The following CEP63 variants were observed in gnomAD, a reference collection of about 807,000 sequenced individuals.
CEP63 encodes centrosomal protein of 63 kDa.
Under a neutral mutation model 89.1 loss-of-function variants are expected in CEP63, and 84 were observed. That is an observed-to-expected ratio of 0.94 (90% CI 0.79 to 1.13). CEP63 has a LOEUF of 1.13. Ranked by LOEUF, CEP63 falls within the 50% of genes most tolerant of loss-of-function variation. CEP63 has a pLI of 0.00. For synonymous variants in CEP63, 267 were observed against 272.5 expected, an observed-to-expected ratio of 0.98 and a Z score of 0.20; for missense variants, 838 against 813.3, an observed-to-expected ratio of 1.03 and a Z score of -0.37.
the CEP63 span, among the ~76,000 whole-genome samples, chr3:134,637,710 A>G: frequency 1.3e-5 from 2 of 152,220 alleles, no homozygotes; most frequent in African/African-American, 4.8e-5. Flanking sequence ...GCCACTTCCA[A>G]TAAGTCACAG....
chr3:134,669,308 G>A, the CEP63 span, among the ~76,000 whole-genome samples: 221 of 152,246 alleles, frequency 1.5e-3, no homozygotes, highest in Non-Finnish European at 1.7e-3. Context: ...GATTACAGGC[G>A]TGAGCCACCA....
chr3:134,644,431 G>C, the CEP63 span, among the ~76,000 whole-genome samples: 1 of 152,182 alleles, frequency 6.6e-6, no homozygotes, highest in Admixed American at 6.5e-5. Flanking sequence ...TACAGCTGCT[G>C]CTGTGGCCTG....
At chr3:134,779,215 A>T in the CEP63 span, among the ~76,000 whole-genome samples, 1 of 152,218 alleles carries the variant, frequency 6.6e-6, no homozygotes, top group Non-Finnish European at 1.5e-5. Flanking sequence ...ACACAATTCA[A>T]ATATTAATAA....
In CEP63 at chr3:134,487,365, A is replaced by G. The variant is rs183396232; in HGVS notation, c.-26+1163A>G. On this transcript the variant is annotated intron_variant, in intron 1 of 14. Transcript: ENST00000675561. ...AAACTAAATTAGAGTAGAGATTTAT[A>G]AACAGGCACACTGCCTTTTAAAATG... Among the ~76,000 whole-genome samples the G allele has an allele frequency of 2.2e-3, 330 of 152,368 alleles. 4 individuals are homozygous for G. The highest frequency in any genetic ancestry group is 6.2e-4 in the Non-Finnish European group (42 of 68,034).
intron 11 of CEP63, among the ~76,000 whole-genome samples, chr3:134,573,302 G>A (rs1029793100): frequency 6.6e-5 from 10 of 152,142 alleles, no homozygotes; most frequent in African/African-American, 9.7e-5. Flanking sequence ...TGCTTTTGGG[G>A]ACTTAGTCAT....
the CEP63 span, chr3:134,604,149 G>A: frequency 6.2e-7 from 1 of 1,607,980 alleles, no homozygotes; most frequent in African/African-American, 1.3e-5. Flanking sequence ...TGGTGTGGAT[G>A]ATAGGGTCAG....
the CEP63 span, among the ~76,000 whole-genome samples, chr3:134,700,397 G>A: frequency 6.6e-6 from 1 of 152,088 alleles, no homozygotes; most frequent in Admixed American, 6.6e-5. Flanking sequence ...TAATACATGG[G>A]CATAGTTTAA....
chr3:134,603,998 G>C, the CEP63 span: 1 of 1,613,874 alleles, frequency 6.2e-7, no homozygotes, highest in Non-Finnish European at 8.5e-7. Flanking sequence ...TGGACTTTCA[G>C]CTCGGTCTGC....
the CEP63 span, chr3:134,641,277 C>T: frequency 6.6e-5 from 10 of 152,122 alleles, no homozygotes; most frequent in Non-Finnish European, 1.3e-4. Context: ...ATCCCTGGAA[C>T]CTGTGAATGT....
chr3:134,743,997 A>C, the CEP63 span, among the ~76,000 whole-genome samples: 2 of 152,162 alleles, frequency 1.3e-5, no homozygotes, highest in Non-Finnish European at 2.9e-5. Flanking sequence ...CTGTTGGACC[A>C]TGCTGAACTA....
Position 134,564,751 on chromosome 3 carries a change from C to CCCAAGCTTCAGCTTAA in CEP63, c.*3217_*3232dup. The CCCAAGCTTCAGCTTAA allele has an allele frequency of 1.0e-6, 1 of 985,420 alleles. No homozygotes were observed. Among genetic ancestry groups the CCCAAGCTTCAGCTTAA allele is most frequent in the Non-Finnish European group, 1.2e-6 (1 of 829,934 alleles). 61.0% of individuals were successfully genotyped at this position (985,420 alleles called of 1,614,324 possible). A position where few individuals can be genotyped will look rare whatever the true frequency, so the allele number is the denominator to read the frequency against. On this transcript the variant is annotated 3_prime_UTR_variant, in exon 15 of 15. Coordinates refer to ENST00000675561, the MANE Select transcript of CEP63 (RefSeq NM_001353108.3). ...AGGAGATTTCTGAGTTTTAGACAGT[C>CCCAAGCTTCAGCTTAA]CCAAGCTTCAGCTTAAAATCTGTAG...
At chr3:134,713,567 C>T in the CEP63 span, among the ~76,000 whole-genome samples, 1 of 152,122 alleles carries the variant, frequency 6.6e-6, no homozygotes, top group South Asian at 2.1e-4. Context: ...CATCATGGAA[C>T]TTCTTATGAA....
At chr3:134,654,750 T>TG in the CEP63 span, among the ~76,000 whole-genome samples, 1 of 152,188 alleles carries the variant, frequency 6.6e-6, no homozygotes, top group Non-Finnish European at 1.5e-5. Flanking sequence ...CAAGACCCTG[T>TG]GGGGAGGGTC....
At chr3:134,716,191 C>T in the CEP63 span, among the ~76,000 whole-genome samples, 10 of 152,214 alleles carry the variant, frequency 6.6e-5, no homozygotes, top group African/African-American at 1.7e-4. Flanking sequence ...TTACTCTGTC[C>T]GATTCTCTTG....
chr3:134,486,220 CAG>C lies in CEP63; in HGVS notation c.-26+19_-26+20del, dbSNP rs1342729711. The C allele has an allele frequency of 1.0e-6, 1 of 985,644 alleles. No individual in the cohort carries two copies. Among genetic ancestry groups the C allele is most frequent in the Non-Finnish European group, 1.2e-6 (1 of 830,096 alleles). 61.1% of individuals were successfully genotyped at this position (985,644 alleles called of 1,614,324 possible). A position where few individuals can be genotyped will look rare whatever the true frequency, so the allele number is the denominator to read the frequency against. ...GGCCCGAGGTAACGGCGGGAAGGCT[CAG>C]GGGCGTGCTTGCGGCAACCCTGTAA... On this transcript the variant is annotated intron_variant, in intron 1 of 14. Transcript: ENST00000675561.
chr3:134,654,371 C>T, the CEP63 span, among the ~76,000 whole-genome samples: 1 of 152,132 alleles, frequency 6.6e-6, no homozygotes, highest in Non-Finnish European at 1.5e-5. Context: ...CTTGGGATTC[C>T]AAGAGGCAAG....
At chr3:134,682,239 C>A in the CEP63 span, among the ~76,000 whole-genome samples, 2 of 152,208 alleles carry the variant, frequency 1.3e-5, no homozygotes, top group Non-Finnish European at 2.9e-5. Flanking sequence ...AAGCCTGTTA[C>A]TTCTGAGTGC....
the CEP63 span, among the ~76,000 whole-genome samples, chr3:134,776,701 G>A: frequency 6.6e-6 from 1 of 152,224 alleles, no homozygotes; most frequent in Non-Finnish European, 1.5e-5. Flanking sequence ...GTAGTGATGG[G>A]TAGGGGTGCT....
At chr3:134,603,433 G>A in the CEP63 span, 11 of 695,896 alleles carry the variant, frequency 1.6e-5, no homozygotes, top group Non-Finnish European at 2.1e-5. Flanking sequence ...CACAGCTCCT[G>A]TGGCAGAGGT....
Sources: gnomAD v4.1 joint callset for allele counts (sites outside exome capture counted in the v4.1 genomes callset) on GRCh38, gnomAD v4.1.1 for gene constraint, MANE v1.5 for transcripts, NCBI Gene and HGNC (gene_info 2026-07-23, HGNC 2026-07-21) for gene names.